RPA1: variants seen among roughly 807,000 people sequenced by gnomAD.
The protein encoded by RPA1 is replication protein A1, also known as replication protein A 70 kDa DNA-binding subunit.
Under a neutral mutation model 83.0 loss-of-function variants are expected in RPA1, and 49 were observed. The observed-to-expected ratio is 0.59, with a 90% CI of 0.47 to 0.75. RPA1 has a LOEUF of 0.75. RPA1 is among the 30% of genes least tolerant of loss of function. RPA1 has a pLI of 0.00. For missense variants in RPA1, 693 were observed against 776.1 expected (o/e 0.89, Z 1.27); for synonymous variants, 279 against 281.8 (o/e 0.99, Z 0.10).
intron 8 of RPA1, among the ~76,000 whole-genome samples, chr17:1,877,766 C>T (rs775353975): frequency 6.6e-6 from 1 of 152,170 alleles, no homozygotes; most frequent in Non-Finnish European, 1.5e-5. Context: ...AGAAGGCACA[C>T]AGTTGTGACC....
intron 1 of RPA1, among the ~76,000 whole-genome samples, chr17:1,831,762 C>T (rs1335250933): frequency 6.6e-6 from 1 of 151,698 alleles, no homozygotes; most frequent in Non-Finnish European, 1.5e-5. Context: ...CCACGCCCGG[C>T]TAATTTTTTG....
In RPA1 at chr17:1,895,004, T is replaced by C. The variant is rs1394771603; in HGVS notation, c.1660-5T>C. 4.1e-5 allele frequency: 66 copies of C among 1,612,318 alleles called. No homozygotes were observed. The highest frequency in any genetic ancestry group is 5.3e-5 in the Non-Finnish European group (63 of 1,178,816). ...ATGTGTCAAGTTTTATGTTTGTTTT[T>C]GCAGAATGAACAGGCATTTGAAGAA... On this transcript the variant is annotated splice_region_variant and splice_polypyrimidine_tract_variant and intron_variant, in intron 15 of 16. Transcript: ENST00000254719.
intron 13 of RPA1, among the ~76,000 whole-genome samples, chr17:1,885,288 C>T (rs915113576): frequency 3.9e-5 from 6 of 152,166 alleles, no homozygotes; most frequent in African/African-American, 1.2e-4. Flanking sequence ...GAGATTACAG[C>T]AGTTCAGGCC....
In RPA1 at chr17:1,895,189, T is replaced by C. The variant is rs1914357753; in HGVS notation, c.1746+94T>C. On this transcript the variant is annotated intron_variant, in intron 16 of 16. Coordinates refer to ENST00000254719, the MANE Select transcript of RPA1 (RefSeq NM_002945.5). Reference sequence around the variant, plus strand: ...GACACTCCCTGGCAGGGAGTTACTGTACTCACTGCCAGACCCCGGTGCTGA... The same window carrying C: ...GACACTCCCTGGCAGGGAGTTACTGCACTCACTGCCAGACCCCGGTGCTGA... 1.2e-5 allele frequency: 12 copies of C among 960,920 alleles called. No homozygotes were observed. The Admixed American group carries it at 2.7e-4, about 21-fold the overall frequency. 59.5% of individuals were successfully genotyped at this position (960,920 alleles called of 1,614,324 possible).
chr17:1,879,208 T>G lies in RPA1; in HGVS notation c.760-7T>G, dbSNP rs1443410574. The G allele has an allele frequency of 1.2e-6, 2 of 1,612,480 alleles. No homozygotes were observed. Among genetic ancestry groups the G allele is most frequent in the African/African-American group, 2.7e-5 (2 of 74,878 alleles). On this transcript the variant is annotated splice_polypyrimidine_tract_variant and splice_region_variant and intron_variant, in intron 9 of 16. Transcript: ENST00000254719. ...TCTCAGGTTCTGTGGCTTGGCCTCC[T>G]TCGCAGGTGTATTATTTCTCGAAAG...
chr17:1,894,719 G>C (rs186573736), intron 15 of RPA1, among the ~76,000 whole-genome samples: 7 of 152,262 alleles, frequency 4.6e-5, no homozygotes, highest in African/African-American at 1.4e-4. Context: ...ACTGTTCATG[G>C]GTGGCGATTT....
At chr17:1,873,992 CAAAA>C (rs71150832) in intron 6 of RPA1, among the ~76,000 whole-genome samples, 6,367 of 42,976 alleles carry the variant, frequency 0.15, 305 homozygotes, top group Admixed American at 0.17. Flanking sequence ...GACTCTGTCT[CAAAA>C]AAAAAAAAAA....
rs761060224 is a variant in RPA1 at position 1,830,140 on chromosome 17, G to A, written c.33+14G>A. ...GGGGCCATTGCGGTGAGGAGGTGCC[G>A]GGGGCTGGGCCGGCGGTCCGGGGTG... On this transcript the variant is annotated intron_variant, in intron 1 of 16. Coordinates refer to ENST00000254719, the MANE Select transcript of RPA1 (RefSeq NM_002945.5). 2 of 1,241,626 alleles carry A rather than the reference G, an allele frequency of 1.6e-6. No individual in the cohort carries two copies. The highest frequency in any genetic ancestry group is 4.1e-5 in the South Asian group (1 of 24,382). The allele number at this position is 1,241,626 out of a possible 1,614,324, so 76.9% of individuals were successfully genotyped here.
At chr17:1,851,067 C>T (rs1912478095) in intron 4 of RPA1, among the ~76,000 whole-genome samples, 1 of 152,180 alleles carries the variant, frequency 6.6e-6, no homozygotes, top group South Asian at 2.1e-4. Flanking sequence ...TCCAGTTTTG[C>T]TCTAGCTCCA....
intron 5 of RPA1, among the ~76,000 whole-genome samples, chr17:1,855,363 G>T (rs9303216): frequency 0.55 from 66,402 of 119,936 alleles, 15,845 homozygotes; most frequent in Non-Finnish European, 0.65. Flanking sequence ...GTGTGTGTGT[G>T]TGTTTAGTAG....
At chr17:1,881,028 CTG>C in intron 12 of RPA1, among the ~76,000 whole-genome samples, 1 of 152,316 alleles carries the variant, frequency 6.6e-6, no homozygotes, top group South Asian at 2.1e-4. Context: ...CTCTGGGCCT[CTG>C]TGGCGTGGGG....
intron 4 of RPA1, among the ~76,000 whole-genome samples, chr17:1,848,637 T>C (rs1175870762): frequency 7.3e-6 from 1 of 136,060 alleles, no homozygotes; most frequent in African/African-American, 2.8e-5. Flanking sequence ...CCATCTCGGC[T>C]CACTACAACC....
rs1331979751 is a variant in RPA1 at position 1,843,928 on chromosome 17, T to C, written c.93T>C (p.Arg31=). The C allele has an allele frequency of 1.9e-6, 3 of 1,613,720 alleles. No individual in the cohort carries two copies. In the Admixed American group the frequency reaches 5.0e-5, roughly 27 times the overall value. Residue 31 remains arginine, a synonymous_variant, in exon 3 of 17, where the codon CGT becomes CGC. Transcript: ENST00000254719. ...CAAGTTTTCTGTCCTAGAACATCCGTCCCATTACTACGGGGAATAGTCCGC... is the reference window on the plus strand; with the variant it reads ...CAAGTTTTCTGTCCTAGAACATCCGCCCCATTACTACGGGGAATAGTCCGC... ...IKPILQVINI[R]PITTGNSPPR...
At chr17:1,880,402 T>G in intron 11 of RPA1, 141 bp from the exon 12 acceptor site, 1 of 774,774 alleles carries the variant, frequency 1.3e-6, no homozygotes, top group South Asian at 1.9e-5. Context: ...TAGATTCTCA[T>G]GTGTGAGGTC....
chr17:1,873,778 CAG>C (rs1027861616), intron 6 of RPA1, among the ~76,000 whole-genome samples: 1 of 151,724 alleles, frequency 6.6e-6, no homozygotes, highest in Non-Finnish European at 1.5e-5. Context: ...CACTTGAGGT[CAG>C]GAGTTCGAGA....
At chr17:1,883,668 C>A in intron 12 of RPA1, 144 bp from the exon 13 acceptor site, 1 of 709,158 alleles carries the variant, frequency 1.4e-6, no homozygotes, top group South Asian at 3.9e-5. Context: ...AAGATACCAG[C>A]TTCAGCCGAC....
At position 1,897,197 on chromosome 17, in the gene RPA1, A is replaced by C; in HGVS notation, c.*22A>C. 1 of 1,520,178 alleles carries C rather than the reference A, an allele frequency of 6.6e-7. No homozygotes were observed. The highest frequency in any genetic ancestry group is 8.9e-7 in the Non-Finnish European group (1 of 1,123,066). 94.2% of individuals were successfully genotyped at this position (1,520,178 alleles called of 1,614,324 possible). On this transcript the variant is annotated 3_prime_UTR_variant, in exon 17 of 17. Transcript: ENST00000254719. ...GTGAGAGGAGCAGTGCCAATCGGGCAGAAGTTTGCAAATAGGCAGAATGGA... is the reference window on the plus strand; with the variant it reads ...GTGAGAGGAGCAGTGCCAATCGGGCCGAAGTTTGCAAATAGGCAGAATGGA...
intron 4 of RPA1, among the ~76,000 whole-genome samples, chr17:1,848,010 C>CA (rs34885352): frequency 1.6e-3 from 92 of 58,422 alleles, no homozygotes; most frequent in East Asian, 0.013. Flanking sequence ...ACCCCATCTC[C>CA]AAAAAAAAAA....
chr17:1,867,800 C>T (rs1913234803), intron 5 of RPA1, among the ~76,000 whole-genome samples: 1 of 151,216 alleles, frequency 6.6e-6, no homozygotes, highest in South Asian at 2.1e-4. Context: ...GGCTATGGGC[C>T]GGGTGCCATG....
Sources: allele counts gnomAD v4.1 joint callset (sites outside exome capture counted in the v4.1 genomes callset), GRCh38; gene constraint gnomAD v4.1.1; transcripts MANE v1.5; gene names NCBI Gene and HGNC (gene_info 2026-07-23, HGNC 2026-07-21).